Variants in TRAF3IP3 observed in about 807,000 individuals in gnomAD.
The protein encoded by TRAF3IP3 is TRAF3-interacting JNK-activating modulator.
A neutral mutation model predicts 86.5 loss-of-function variants in TRAF3IP3; 64 were observed. The ratio of observed to expected loss-of-function variants is 0.74; its 90% CI spans 0.60 to 0.91. The LOEUF (loss-of-function observed/expected upper bound fraction) is 0.91. Among genes scored for constraint, TRAF3IP3 ranks in the 40% least tolerant of loss-of-function variants. The pLI is 0.00. For missense variants in TRAF3IP3, 579 were observed against 642.9 expected, an observed-to-expected ratio of 0.90 and a Z score of 1.07; for synonymous variants, 220 against 243.9, an observed-to-expected ratio of 0.90 and a Z score of 0.91.
At chr1:209,763,208 G>C (rs1276722718) in intron 6 of TRAF3IP3, 116 bp downstream of exon 6, 1 of 1,385,336 alleles carries the variant, frequency 7.2e-7, no homozygotes, top group Non-Finnish European at 1.0e-6. Flanking sequence ...GGATGGCAAG[G>C]GGGTACTGAG....
chr1:209,774,518 T>C (rs2077612494), intron 9 of TRAF3IP3, among the ~76,000 whole-genome samples: 1 of 152,188 alleles, frequency 6.6e-6, no homozygotes, highest in Non-Finnish European at 1.5e-5. Flanking sequence ...GGACTGAATC[T>C]TGAGTATTAG....
chr1:209,772,923 C>T, intron 8 of TRAF3IP3, 25 bp from the exon 9 acceptor site: 1 of 1,610,788 alleles, frequency 6.2e-7, no homozygotes, highest in Non-Finnish European at 8.5e-7. Flanking sequence ...GCCCCAAGCT[C>T]ATTAACTCAT....
chr1:209,763,485 C>A lies in TRAF3IP3; in HGVS notation c.607-7C>A. On this transcript the variant is annotated splice_polypyrimidine_tract_variant and splice_region_variant and intron_variant, in intron 7 of 16. Coordinates refer to ENST00000367025, the MANE Select transcript of TRAF3IP3 (RefSeq NM_025228.4). ...TACCCTCTTGCACTTTGTGCCCGCACCCCCAGGAGGCCCTACAAAGGGAGC... is the reference window on the plus strand; with the variant it reads ...TACCCTCTTGCACTTTGTGCCCGCAACCCCAGGAGGCCCTACAAAGGGAGC... The A allele has an allele frequency of 1.2e-6, 2 of 1,613,926 alleles. No individual in the cohort carries two copies. Among genetic ancestry groups the A allele is most frequent in the Non-Finnish European group, 1.7e-6 (2 of 1,179,796 alleles).
chr1:209,782,248 CTT>C lies in TRAF3IP3; in HGVS notation c.*101_*102del. On this transcript the variant is annotated 3_prime_UTR_variant, in exon 17 of 17. Transcript: ENST00000367025. The stretch of plus-strand genomic sequence containing the variant: ...ATTACAGCTTGGGTTTTCCAACTGA[CTT>C]AGGATTTCTGACTTTTTATTAATTT... The C allele has an allele frequency of 2.3e-6, 2 of 875,748 alleles. No homozygotes were observed. The highest frequency in any genetic ancestry group is 3.8e-6 in the Non-Finnish European group (2 of 526,968). The allele number at this position is 875,748 out of a possible 1,614,324, so 54.2% of individuals were successfully genotyped here.
In TRAF3IP3 at chr1:209,763,598, G is replaced by A. The variant is rs769373387; in HGVS notation, c.702+11G>A. ...GACAGCTCTTGGAAGGTAAGGGAAT[G>A]AAATTCTTTTTGAACAAAGCTTGGG... On this transcript the variant is annotated intron_variant, in intron 8 of 16. Coordinates refer to ENST00000367025, the MANE Select transcript of TRAF3IP3 (RefSeq NM_025228.4). 3 of 1,598,838 alleles carry A rather than the reference G, an allele frequency of 1.9e-6. No individual in the cohort carries two copies. The highest frequency in any genetic ancestry group is 3.4e-5 in the Admixed American group (2 of 59,580).
At position 209,768,721 on chromosome 1, in the gene TRAF3IP3, C is replaced by T. The variant is rs552263312; in HGVS notation, c.703-4227C>T. 1.2e-5 allele frequency: 12 copies of T among 983,174 alleles called. No homozygotes were observed. In the South Asian group the frequency reaches 3.3e-4, roughly 27 times the overall value. 60.9% of individuals were successfully genotyped at this position (983,174 alleles called of 1,614,324 possible). A position where few individuals can be genotyped will look rare whatever the true frequency, so the allele number is the denominator to read the frequency against. ...GGGGTTTATATGCCCTCTGAGCCCT[C>T]GGCTCCCGGGGTCTAACTGCCTAGA... On this transcript the variant is annotated intron_variant, in intron 8 of 16. Coordinates refer to ENST00000367025, the MANE Select transcript of TRAF3IP3 (RefSeq NM_025228.4).
intron 8 of TRAF3IP3, among the ~76,000 whole-genome samples, chr1:209,770,331 G>T (rs1254340542): frequency 6.6e-6 from 1 of 152,150 alleles, no homozygotes; most frequent in African/African-American, 2.4e-5. Context: ...AGGTGGAGGT[G>T]TGTGTGTGGA....
rs6685077 is a variant in TRAF3IP3, at chr1:209,759,986, A to G, written c.-54A>G. The stretch of plus-strand genomic sequence containing the variant: ...CTCCCTCTTGGCATTTGGCAGATCC[A>G]GGCATCTATTCCAGGAACTGGAAGC... On this transcript the variant is annotated 5_prime_UTR_variant, in exon 3 of 17. Coordinates refer to ENST00000367025, the MANE Select transcript of TRAF3IP3 (RefSeq NM_025228.4). 0.26 allele frequency: 372,746 copies of G among 1,457,382 alleles called. 55,775 individuals are homozygous for G. Among genetic ancestry groups the G allele is most frequent in the African/African-American group, 0.69 (49,346 of 71,568 alleles). The allele number at this position is 1,457,382 out of a possible 1,614,324, so 90.3% of individuals were successfully genotyped here. A position where few individuals can be genotyped will look rare whatever the true frequency, so the allele number is the denominator to read the frequency against.
rs1394568501 is a variant in TRAF3IP3 at position 209,779,311 on chromosome 1, A to G, written c.1253-4A>G. ...ATAGACAAGTTCCTTGTGTTTTCCAACAGGTTTGCTTCAAAATCAATCCTT... is the reference window on the plus strand; with the variant it reads ...ATAGACAAGTTCCTTGTGTTTTCCAGCAGGTTTGCTTCAAAATCAATCCTT... On this transcript the variant is annotated splice_region_variant and splice_polypyrimidine_tract_variant and intron_variant, in intron 13 of 16. Coordinates refer to ENST00000367025, the MANE Select transcript of TRAF3IP3 (RefSeq NM_025228.4). 6.2e-7 allele frequency: 1 copy of G among 1,614,038 alleles called. No homozygotes were observed. The highest frequency in any genetic ancestry group is 8.5e-7 in the Non-Finnish European group (1 of 1,179,884).
In TRAF3IP3 at chr1:209,780,485, T is replaced by G. The variant is rs753919691; in HGVS notation, c.1328T>G (p.Val443Gly). 9 of 1,594,088 alleles carry G rather than the reference T, an allele frequency of 5.6e-6. No individual in the cohort carries two copies. The highest frequency in any genetic ancestry group is 7.7e-6 in the Non-Finnish European group (9 of 1,169,410). ...GCTTTTTTAGATCAGGCTTTGCCCG[T>G]GTGGAGTCCAAAGTCCTTCCCTAAC... ...LLTKKDQALPVWSPKSFPNEV... is the reference protein window; with the variant it reads ...LLTKKDQALPGWSPKSFPNEV... Residue 443 changes from valine (V) to glycine (G), a missense_variant, in exon 15 of 17, where the codon GTG becomes GGG. Val to Gly is a moderately radical substitution (Grantham distance 109). Transcript: ENST00000367025.
chr1:209,772,013 G>A (rs765139177), intron 8 of TRAF3IP3, among the ~76,000 whole-genome samples: 26 of 150,868 alleles, frequency 1.7e-4, no homozygotes, highest in Non-Finnish European at 3.7e-4. Flanking sequence ...ATGTGTGCAG[G>A]TGGAAGTGTA....
intron 8 of TRAF3IP3, among the ~76,000 whole-genome samples, chr1:209,771,502 GGT>G (rs139927430): frequency 1.2e-4 from 16 of 131,400 alleles, no homozygotes; most frequent in Non-Finnish European, 2.5e-4. Context: ...TGCATGTGAA[GGT>G]GTGTGTGAAG....
At chr1:209,776,093 G>A (rs1444747600) in intron 11 of TRAF3IP3, 1 of 185,474 alleles carries the variant, frequency 5.4e-6, no homozygotes. Flanking sequence ...CCCACTGTTG[G>A]CAAAGAAAGA....
At position 209,760,018 on chromosome 1, in the gene TRAF3IP3, C is replaced by A. The variant is rs765904295; in HGVS notation, c.-22C>A. ...TATTCCAGGAACTGGAAGCCAAGCG[C>A]AACAGGTGCTTGGAGGTCATCATGA... On this transcript the variant is annotated 5_prime_UTR_variant, in exon 3 of 17. Coordinates refer to ENST00000367025, the MANE Select transcript of TRAF3IP3 (RefSeq NM_025228.4). The A allele has an allele frequency of 1.3e-6, 2 of 1,589,532 alleles. No homozygotes were observed. Among genetic ancestry groups the A allele is most frequent in the Admixed American group, 1.7e-5 (1 of 59,146 alleles).
chr1:209,765,537 T>C (rs955838914), intron 8 of TRAF3IP3, among the ~76,000 whole-genome samples: 2 of 152,022 alleles, frequency 1.3e-5, no homozygotes, highest in Non-Finnish European at 1.5e-5. Context: ...TACATTGGCA[T>C]GCACCTGTAG....
rs2077689662 is a variant in TRAF3IP3, at chr1:209,777,771, A to G, written c.1189+284A>G. On this transcript the variant is annotated intron_variant, in intron 12 of 16. Transcript: ENST00000367025. ...ACAGCTGCTCCCACATCAGTCACAT[A>G]TGTCAAGGCCACAGTCCTAATTTGA... 11 of 504,596 alleles carry G rather than the reference A, an allele frequency of 2.2e-5. No homozygotes were observed. In the South Asian group the frequency reaches 2.8e-4, roughly 13 times the overall value. 31.3% of individuals were successfully genotyped at this position (504,596 alleles called of 1,614,324 possible). A position where few individuals can be genotyped will look rare whatever the true frequency, so the allele number is the denominator to read the frequency against.
At position 209,781,469 on chromosome 1, in the gene TRAF3IP3, C is replaced by T. The variant is rs762212019; in HGVS notation, c.1563+11C>T. On this transcript the variant is annotated intron_variant, in intron 16 of 16. Transcript: ENST00000367025. ...CAGCTGCCTCCCAGAGTAAGAGGGT[C>T]TCTCCTTCCCATAAAGCCCTGGATG... The T allele has an allele frequency of 1.3e-6, 2 of 1,591,024 alleles. No individual in the cohort carries two copies. Among genetic ancestry groups the T allele is most frequent in the Non-Finnish European group, 8.6e-7 (1 of 1,159,440 alleles).
At chr1:209,756,927 G>C (rs1235937673) in intron 1 of TRAF3IP3, among the ~76,000 whole-genome samples, 1 of 152,204 alleles carries the variant, frequency 6.6e-6, no homozygotes, top group Non-Finnish European at 1.5e-5. Flanking sequence ...ATGCTGCCAG[G>C]GGGGAACCTG....
rs762671547 is a variant in TRAF3IP3 at position 209,763,482 on chromosome 1, G to A, written c.607-10G>A. ...TCTTACCCTCTTGCACTTTGTGCCCGCACCCCCAGGAGGCCCTACAAAGGG... is the reference window on the plus strand; with the variant it reads ...TCTTACCCTCTTGCACTTTGTGCCCACACCCCCAGGAGGCCCTACAAAGGG... On this transcript the variant is annotated splice_polypyrimidine_tract_variant and intron_variant, in intron 7 of 16. Transcript: ENST00000367025. 65 of 1,613,630 alleles carry A rather than the reference G, an allele frequency of 4.0e-5. No individual in the cohort carries two copies. In the Admixed American group the frequency reaches 4.2e-4, roughly 10 times the overall value.
Sources: gnomAD v4.1 joint callset for allele counts (sites outside exome capture counted in the v4.1 genomes callset) on GRCh38, gnomAD v4.1.1 for gene constraint, MANE v1.5 for transcripts, NCBI Gene and HGNC (gene_info 2026-07-23, HGNC 2026-07-21) for gene names.